The following FRAS1 variants were observed in gnomAD, a reference collection of about 807,000 sequenced individuals.
FRAS1 encodes extracellular matrix organizing protein FRAS1.
In FRAS1, 290 loss-of-function variants were observed where a neutral mutation model predicts 435.2. The ratio of observed to expected loss-of-function variants is 0.67; its 90% CI spans 0.61 to 0.73. The LOEUF (loss-of-function observed/expected upper bound fraction) is 0.73. Among genes scored for constraint, FRAS1 ranks in the 30% least tolerant of loss-of-function variants. FRAS1 has a pLI of 0.00. For synonymous variants in FRAS1, 1,800 were observed against 1,851.0 expected, an observed-to-expected ratio of 0.97 and a Z score of 0.71; for missense variants, 4,860 against 5,001.5, an observed-to-expected ratio of 0.97 and a Z score of 0.85.
At chr4:78,219,407 A>G (rs1226228618) in intron 2 of FRAS1, among the ~76,000 whole-genome samples, 1 of 152,198 alleles carries the variant, frequency 6.6e-6, no homozygotes, top group Non-Finnish European at 1.5e-5. Context: ...TAAACAGTGG[A>G]AGTAGAACCA....
chr4:78,116,956 C>T (rs948002265), intron 2 of FRAS1, among the ~76,000 whole-genome samples: 1 of 152,206 alleles, frequency 6.6e-6, no homozygotes, highest in African/African-American at 2.4e-5. Context: ...CATGTTTTTG[C>T]AGTGGGTCTT....
At chr4:78,453,407 T>C (rs1719086555) in intron 47 of FRAS1, among the ~76,000 whole-genome samples, 1 of 152,132 alleles carries the variant, frequency 6.6e-6, no homozygotes, top group Admixed American at 6.5e-5. Flanking sequence ...AGACATTTGT[T>C]GGTTGAATGA....
intron 3 of FRAS1, among the ~76,000 whole-genome samples, chr4:78,241,340 GAGC>G (rs1169998098): frequency 6.6e-6 from 1 of 152,168 alleles, no homozygotes; most frequent in Non-Finnish European, 1.5e-5. Context: ...AGCTCCTTGA[GAGC>G]AGGAATCTTG....
chr4:78,289,815 C>T (rs1727797976), intron 14 of FRAS1, among the ~76,000 whole-genome samples: 4 of 152,148 alleles, frequency 2.6e-5, no homozygotes, highest in Admixed American at 2.6e-4. Flanking sequence ...ATGGATGCTC[C>T]TTGCTCCCCC....
intron 2 of FRAS1, chr4:78,068,518 G>C (rs10016229): frequency 0.24 from 107,287 of 455,994 alleles, 13,557 homozygotes; most frequent in East Asian, 0.35. Context: ...TCAGAGCATG[G>C]TGAGCCTTGT....
intron 58 of FRAS1, among the ~76,000 whole-genome samples, chr4:78,483,539 C>T (rs938520913): frequency 2.0e-5 from 3 of 151,934 alleles, no homozygotes; most frequent in African/African-American, 7.3e-5. Context: ...GCTGAGAAGT[C>T]CTCAAAAGAG....
At chr4:78,370,805 A>G (rs1731473866) in intron 23 of FRAS1, among the ~76,000 whole-genome samples, 1 of 152,176 alleles carries the variant, frequency 6.6e-6, no homozygotes, top group South Asian at 2.1e-4. Context: ...GGGCTTACAC[A>G]CTTTGAATGG....
chr4:78,375,052 C>T (rs1295732531), intron 25 of FRAS1, among the ~76,000 whole-genome samples: 2 of 152,102 alleles, frequency 1.3e-5, no homozygotes, highest in East Asian at 3.8e-4. Flanking sequence ...TACCGTATAG[C>T]CTCTCTATAA....
chr4:78,526,823 C>A (rs1721548760), intron 70 of FRAS1, among the ~76,000 whole-genome samples, 166 bp downstream of exon 70: 1 of 152,176 alleles, frequency 6.6e-6, no homozygotes, highest in Admixed American at 6.5e-5. Flanking sequence ...ACACACACAT[C>A]CCCAGCTGAA....
chr4:78,301,495 G>A (rs1047491160), intron 14 of FRAS1, among the ~76,000 whole-genome samples: 4 of 150,410 alleles, frequency 2.7e-5, no homozygotes, highest in African/African-American at 1.0e-4. Flanking sequence ...TAAGACACAT[G>A]TGTAGGACAG....
rs367680303 is a variant in FRAS1 at position 78,508,727 on chromosome 4, G to A, written c.9505-4G>A. Reference sequence around the variant, plus strand: ...TGAACTGAAGCTTTGTTGCTCTTTCGCAGGTGGTCACACTTGCTGACTATG... The same window carrying A: ...TGAACTGAAGCTTTGTTGCTCTTTCACAGGTGGTCACACTTGCTGACTATG... On this transcript the variant is annotated splice_region_variant and splice_polypyrimidine_tract_variant and intron_variant, in intron 62 of 73. Transcript: ENST00000512123. The A allele has an allele frequency of 1.8e-5, 29 of 1,613,368 alleles. No homozygotes were observed. Among genetic ancestry groups the A allele is most frequent in the East Asian group, 1.6e-4 (7 of 44,848 alleles).
chr4:78,319,049 G>C, intron 18 of FRAS1, 63 bp downstream of exon 18: 1 of 1,513,762 alleles, frequency 6.6e-7, no homozygotes, highest in Non-Finnish European at 9.1e-7. Context: ...GATCCTGTGA[G>C]GTGGGACCAA....
At chr4:78,094,104 GTTT>G (rs71214395) in intron 2 of FRAS1, among the ~76,000 whole-genome samples, 17,695 of 106,058 alleles carry the variant, frequency 0.17, 926 homozygotes, top group Non-Finnish European at 0.2. Context: ...GAATAACCAA[GTTT>G]TTTTTTTTTT....
chr4:78,307,739 A>G (rs910012181), intron 14 of FRAS1, among the ~76,000 whole-genome samples: 5 of 152,114 alleles, frequency 3.3e-5, no homozygotes, highest in Admixed American at 1.3e-4. Context: ...GCACCCACTG[A>G]CCTGCGCCCA....
At chr4:78,427,687 C>G (rs904290907) in intron 35 of FRAS1, among the ~76,000 whole-genome samples, 2 of 152,154 alleles carry the variant, frequency 1.3e-5, no homozygotes, top group Non-Finnish European at 2.9e-5. Context: ...ATGACCAGAG[C>G]CATAAAACCT....
chr4:78,240,938 G>A (rs1042040136), intron 3 of FRAS1, among the ~76,000 whole-genome samples: 5 of 152,158 alleles, frequency 3.3e-5, no homozygotes, highest in Non-Finnish European at 5.9e-5. Context: ...TGTATTAACC[G>A]TGTTGAGCAC....
intron 2 of FRAS1, among the ~76,000 whole-genome samples, chr4:78,236,228 C>A (rs1724747682): frequency 6.6e-6 from 1 of 151,866 alleles, no homozygotes; most frequent in East Asian, 1.9e-4. Context: ...AGGTGAGGAT[C>A]AGATTATGGG....
intron 38 of FRAS1, among the ~76,000 whole-genome samples, chr4:78,433,773 A>C (rs1295808950): frequency 6.6e-6 from 1 of 152,246 alleles, no homozygotes; most frequent in African/African-American, 2.4e-5. Context: ...ATGAATTCAG[A>C]TTTAATCAGA....
intron 2 of FRAS1, among the ~76,000 whole-genome samples, chr4:78,130,697 G>A (rs1719642360): frequency 6.6e-6 from 1 of 152,120 alleles, no homozygotes; most frequent in African/African-American, 2.4e-5. Flanking sequence ...TCCTCATGAA[G>A]CTTATAGAGA....
Sources: allele counts gnomAD v4.1 joint callset (sites outside exome capture counted in the v4.1 genomes callset), GRCh38; gene constraint gnomAD v4.1.1; transcripts MANE v1.5; gene names NCBI Gene and HGNC (gene_info 2026-07-23, HGNC 2026-07-21).